Variants in ITIH1 observed in about 807,000 individuals in gnomAD.
ITIH1 encodes inter-alpha-trypsin inhibitor heavy chain H1.
Under a neutral mutation model 104.6 loss-of-function variants are expected in ITIH1, and 94 were observed. The observed-to-expected ratio is 0.90, with a 90% CI of 0.76 to 1.07. The LOEUF (loss-of-function observed/expected upper bound fraction) is 1.07. Among genes scored for constraint, ITIH1 ranks in the 50% least tolerant of loss-of-function variants. The probability of loss-of-function intolerance (pLI) is 0.00; values close to 1 mark genes in which losing one functional copy is unlikely to be tolerated. For synonymous variants in ITIH1, 455 were observed against 464.4 expected (o/e 0.98, Z 0.26); for missense variants, 1,193 against 1,181.4 (o/e 1.01, Z -0.14).
intron 2 of ITIH1, 138 bp downstream of exon 2, chr3:52,778,155 G>T: frequency 8.5e-7 from 1 of 1,170,294 alleles, no homozygotes; most frequent in South Asian, 1.2e-5. Flanking sequence ...ATGGGGACTT[G>T]TTCCCATCTC....
In ITIH1 at chr3:52,786,406, C is replaced by G. The variant is rs970449516; in HGVS notation, c.1705C>G (p.Leu569Val). The stretch of plus-strand genomic sequence containing the variant: ...CCACGTCGAGCGCCTCTGGGCCTAC[C>G]TCACCATCCAGGAGCTGCTGGCCAA... ...ENHVERLWAYLTIQELLAKRM... is the reference protein window; with the variant it reads ...ENHVERLWAYVTIQELLAKRM... The change falls in exon 13 of 22, where the codon CTC becomes GTC. Residue 569 changes from leucine (L) to valine (V), a missense_variant. Coordinates refer to ENST00000273283, the MANE Select transcript of ITIH1 (RefSeq NM_002215.4). The G allele has an allele frequency of 6.3e-7, 1 of 1,586,396 alleles. No individual in the cohort carries two copies. The highest frequency in any genetic ancestry group is 1.3e-5 in the African/African-American group (1 of 74,392).
At chr3:52,778,090 G>T (rs977536663) in intron 2 of ITIH1, 73 bp downstream of exon 2, 13 of 1,545,374 alleles carry the variant, frequency 8.4e-6, no homozygotes, top group Non-Finnish European at 9.8e-6. Flanking sequence ...AACCTGTCAG[G>T]GGTGGACCCC....
At chr3:52,791,702 A>G in intron 21 of ITIH1, 74 bp downstream of exon 21, 1 of 1,607,670 alleles carries the variant, frequency 6.2e-7, no homozygotes. Context: ...TCCAGGTGTC[A>G]CATGGGTGGG....
intron 3 of ITIH1, chr3:52,778,716 TG>T: frequency 7.0e-7 from 1 of 1,419,266 alleles, no homozygotes; most frequent in Non-Finnish European, 9.2e-7. Flanking sequence ...CATCACAGCA[TG>T]TTTCAGGCTA....
At chr3:52,789,578 G>A (rs1699293194) in intron 18 of ITIH1, 75 bp from the exon 19 acceptor site, 1 of 1,333,562 alleles carries the variant, frequency 7.5e-7, no homozygotes, top group African/African-American at 1.4e-5. Context: ...GGCCTCTTAG[G>A]AAGGAGGCAT....
Position 52,787,980 on chromosome 3 carries a change from C to A in ITIH1, c.1925-6C>A, listed in dbSNP as rs62255411. ...CGCTTCTAAATGCCACTCCCCCTCCCATCAGCGTTCGTGCTGTCAGCCTTG... is the reference window on the plus strand; with the variant it reads ...CGCTTCTAAATGCCACTCCCCCTCCAATCAGCGTTCGTGCTGTCAGCCTTG... On this transcript the variant is annotated splice_region_variant and splice_polypyrimidine_tract_variant and intron_variant, in intron 16 of 21. Coordinates refer to ENST00000273283, the MANE Select transcript of ITIH1 (RefSeq NM_002215.4). 2.7e-5 allele frequency: 44 copies of A among 1,613,176 alleles called. No individual in the cohort carries two copies. Among genetic ancestry groups the A allele is most frequent in the East Asian group, 1.8e-4 (8 of 44,872 alleles).
In ITIH1 at chr3:52,777,694, G is replaced by T. The variant is rs1479694393; in HGVS notation, c.79G>T (p.Ala27Ser). ...TCTCCTCATCCTGCAGGCCATGCCT[G>T]CCCTGGGCTCGGCTACAGGCAGGTC... The part of the protein sequence containing the change: ...VSLLILQAMP[A>S]LGSATGRSKS... Residue 27 changes from alanine (A) to serine (S), a missense_variant, in exon 1 of 22, where the codon GCC becomes TCC. Physicochemically the swap from Ala to Ser is moderately conservative, Grantham distance 99 (BLOSUM62 1). Coordinates refer to ENST00000273283, the MANE Select transcript of ITIH1 (RefSeq NM_002215.4). 18 of 1,603,616 alleles carry T rather than the reference G, an allele frequency of 1.1e-5. No individual in the cohort carries two copies. Among genetic ancestry groups the T allele is most frequent in the Non-Finnish European group, 1.4e-5 (16 of 1,175,448 alleles).
chr3:52,784,274 T>C (rs910784997), intron 10 of ITIH1, 22 bp from the exon 11 acceptor site: 1 of 1,605,996 alleles, frequency 6.2e-7, no homozygotes, highest in Admixed American at 1.7e-5. Flanking sequence ...ATCCCGTCAC[T>C]ACCCAGGTGT....
intron 21 of ITIH1, 61 bp from the exon 22 acceptor site, chr3:52,791,721 C>T: frequency 2.5e-6 from 4 of 1,606,208 alleles, no homozygotes; most frequent in Non-Finnish European, 3.4e-6. Flanking sequence ...GGGTGAGCTT[C>T]CTGGGGAGGT....
rs974523503 is a variant in ITIH1, at chr3:52,781,353, CTCT to C, written c.688-582_688-580del. On this transcript the variant is annotated intron_variant, in intron 6 of 21. Transcript: ENST00000273283. ...CTTCTTCTATCTTCTCTTCTTCTTC[CTCT>C]TCTTTTCTGCTGCTTCTTCTTCCTT... 6.2e-5 allele frequency among the ~76,000 whole-genome samples: 9 copies of C among 145,588 alleles called. No homozygotes were observed. The East Asian group carries it at 1.0e-3, about 16-fold the overall frequency.
chr3:52,790,594 G>C (rs6778329), intron 19 of ITIH1, 155 bp from the exon 20 acceptor site: 1 of 704,418 alleles, frequency 1.4e-6, no homozygotes. Flanking sequence ...AACATGTGGG[G>C]AGGGGCGTGG....
Position 52,777,600 on chromosome 3 carries a change from G to C in ITIH1, c.-16G>C, listed in dbSNP as rs1336952812. On this transcript the variant is annotated 5_prime_UTR_variant, in exon 1 of 22. Coordinates refer to ENST00000273283, the MANE Select transcript of ITIH1 (RefSeq NM_002215.4). ...CTGGTCTGACTGAGGTGACAGGGCA[G>C]CAGGAGCCTTAGAGCATGGACGGTG... is the stretch of plus-strand genomic sequence containing the variant. 1 of 1,533,938 alleles carries C rather than the reference G, an allele frequency of 6.5e-7. No individual in the cohort carries two copies. The highest frequency in any genetic ancestry group is 1.4e-5 in the African/African-American group (1 of 72,268).
In ITIH1 at chr3:52,781,296, TTC is replaced by T. The variant is rs1491411498; in HGVS notation, c.688-642_688-641del. ...CTTCTTCTTCTTCTTCCTCTTCTTC[TTC>T]TTCTGCTTCTTCTTCTCCTTCTCCT... is the stretch of plus-strand genomic sequence containing the variant. On this transcript the variant is annotated intron_variant, in intron 6 of 21. Transcript: ENST00000273283. Among the ~76,000 whole-genome samples, 301 of 119,398 alleles carry T rather than the reference TTC, an allele frequency of 2.5e-3. 13 individuals carry two copies. The highest frequency in any genetic ancestry group is 8.0e-3 in the African/African-American group (285 of 35,748). 78.3% of individuals were successfully genotyped at this position (119,398 alleles called of 152,430 possible). A position where few individuals can be genotyped will look rare whatever the true frequency, so the allele number is the denominator to read the frequency against.
At chr3:52,780,156 G>GTAGC in intron 5 of ITIH1, 113 bp from the exon 6 acceptor site, 1 of 960,850 alleles carries the variant, frequency 1.0e-6, no homozygotes, top group Non-Finnish European at 1.6e-6. Flanking sequence ...TCCCAGCTAC[G>GTAGC]TGGGAGGCTG....
chr3:52,780,149 C>A, intron 5 of ITIH1, 120 bp from the exon 6 acceptor site: 1 of 951,614 alleles, frequency 1.1e-6, no homozygotes, highest in Non-Finnish European at 1.6e-6. Flanking sequence ...CCTATAATCC[C>A]AGCTACGTGG....
At position 52,779,402 on chromosome 3, in the gene ITIH1, G is replaced by A. The variant is rs780618205; in HGVS notation, c.411-30G>A. ...CCCAAATGTCATTTACCCTCTGTCTGTCTGCTGTTGCCTCTGGTGGCACAT... is the reference window on the plus strand; with the variant it reads ...CCCAAATGTCATTTACCCTCTGTCTATCTGCTGTTGCCTCTGGTGGCACAT... On this transcript the variant is annotated intron_variant, in intron 4 of 21. Coordinates refer to ENST00000273283, the MANE Select transcript of ITIH1 (RefSeq NM_002215.4). This position sits in a 1 kb window ranked among gnomAD's most constrained non-coding sequence, Gnocchi z 4.4. 3.7e-6 allele frequency: 6 copies of A among 1,613,300 alleles called. No individual in the cohort carries two copies. The East Asian group carries it at 1.3e-4, about 36-fold the overall frequency.
At position 52,779,775 on chromosome 3, in the gene ITIH1, C is replaced by A; in HGVS notation, c.573+181C>A. On this transcript the variant is annotated intron_variant, in intron 5 of 21. Transcript: ENST00000273283. This position sits in a 1 kb window ranked among gnomAD's most constrained non-coding sequence, Gnocchi z 4.4. ...GCAGGGAACTCCCTGAATTCTCTAA[C>A]TTCCTCTTTATCTCTGAGCTTCGGT... 9.6e-7 allele frequency: 1 copy of A among 1,045,976 alleles called. No individual in the cohort carries two copies. The highest frequency in any genetic ancestry group is 1.6e-5 in the South Asian group (1 of 62,562). 64.8% of individuals were successfully genotyped at this position (1,045,976 alleles called of 1,614,324 possible). A position where few individuals can be genotyped will look rare whatever the true frequency, so the allele number is the denominator to read the frequency against.
intron 18 of ITIH1, among the ~76,000 whole-genome samples, chr3:52,788,876 C>T (rs977781061): frequency 3.9e-5 from 6 of 152,134 alleles, no homozygotes; most frequent in African/African-American, 7.2e-5. Flanking sequence ...AATGCTCTTC[C>T]GTTGCCGCCT....
At chr3:52,785,259 G>C in intron 12 of ITIH1, 30 bp downstream of exon 12, 1 of 1,606,602 alleles carries the variant, frequency 6.2e-7, no homozygotes, top group Non-Finnish European at 8.5e-7. Flanking sequence ...GGGTGGAGAG[G>C]CCAGGCAGCA....
Sources: gnomAD v4.1 joint callset for allele counts (sites outside exome capture counted in the v4.1 genomes callset) on GRCh38, gnomAD v4.1.1 for gene constraint, Gnocchi (gnomAD v3.1) non-coding constraint, MANE v1.5 for transcripts, NCBI Gene and HGNC (gene_info 2026-07-23, HGNC 2026-07-21) for gene names.